Variants in CELF2 observed in about 807,000 individuals in gnomAD.
CELF2 encodes the protein CUGBP Elav-like family member 2.
In CELF2, 8 loss-of-function variants were observed where a neutral mutation model predicts 62.6. That is an observed-to-expected ratio of 0.13 (90% CI 0.07 to 0.23). CELF2 has a LOEUF of 0.23. CELF2 is among the 10% of genes least tolerant of loss of function. CELF2 has a pLI of 1.00. For synonymous variants in CELF2, 258 were observed against 250.0 expected (o/e 1.03, Z -0.30); for missense variants, 333 against 671.0 (o/e 0.50, Z 5.56).
chr10:11,040,776 G>A (rs184094664), intron 1 of CELF2, among the ~76,000 whole-genome samples: 1 of 151,882 alleles, frequency 6.6e-6, no homozygotes, highest in Admixed American at 6.6e-5. Flanking sequence ...TACCTTTCAG[G>A]TGTTTTTCCA....
Position 11,305,945 on chromosome 10 carries a change from A to G in CELF2, c.977-8194A>G, listed in dbSNP as rs74115826. On this transcript the variant is annotated intron_variant, in intron 9 of 12. Transcript: ENST00000633077. The surrounding 1 kb of genome is among the most constrained non-coding windows in gnomAD (Gnocchi z 4.8). ...ACCCTGCCCCACAAACAGTTTTCAC[A>G]AAAGGCCACAGACTTTGTCTGCACA... is the stretch of plus-strand genomic sequence containing the variant. Among the ~76,000 whole-genome samples, 1,250 of 152,284 alleles carry G rather than the reference A, an allele frequency of 8.2e-3. 21 individuals carry two copies. Among genetic ancestry groups the G allele is most frequent in the African/African-American group, 0.028 (1,145 of 41,566 alleles).
At chr10:10,627,273 G>A in the CELF2 span, among the ~76,000 whole-genome samples, 1 of 152,230 alleles carries the variant, frequency 6.6e-6, no homozygotes, top group Non-Finnish European at 1.5e-5. Flanking sequence ...AAGGGGTAAA[G>A]TGTAGAATTT....
the CELF2 span, among the ~76,000 whole-genome samples, chr10:10,690,760 A>C: frequency 1.3e-5 from 2 of 152,228 alleles, no homozygotes; most frequent in East Asian, 3.9e-4. Flanking sequence ...CACGCCTATA[A>C]TACCAGCTAC....
Position 10,931,468 on chromosome 10 carries a change from T to C in CELF2, c.89+11469T>C, listed in dbSNP as rs986512363. 7.2e-5 allele frequency among the ~76,000 whole-genome samples: 11 copies of C among 152,154 alleles called. No individual in the cohort carries two copies. The highest frequency in any genetic ancestry group is 2.4e-4 in the African/African-American group (10 of 41,428). ...TTATCCAGTGAGTAAGTGGAAACTC[T>C]ATTTACCACCACAGTTATAGCATTT... On this transcript the variant is annotated intron_variant, in intron 2 of 13. Transcript: ENST00000636488. The surrounding 1 kb of genome is among the most constrained non-coding windows in gnomAD (Gnocchi z 6.1).
intron 2 of CELF2, among the ~76,000 whole-genome samples, chr10:10,949,592 G>A (rs1256784915): frequency 4.6e-5 from 7 of 151,430 alleles, no homozygotes; most frequent in Non-Finnish European, 8.8e-5. Context: ...AGGAGTTCAA[G>A]ACCAGCCTGG....
chr10:11,088,940 A>C (rs966070168), intron 1 of CELF2, among the ~76,000 whole-genome samples: 10 of 152,212 alleles, frequency 6.6e-5, no homozygotes, highest in African/African-American at 2.4e-4. Flanking sequence ...TGGTGACTGA[A>C]GCACATGCAA....
At chr10:10,790,793 C>T in the CELF2 span, among the ~76,000 whole-genome samples, 3 of 152,054 alleles carry the variant, frequency 2.0e-5, no homozygotes, top group African/African-American at 7.2e-5. Flanking sequence ...TTCAATCATC[C>T]AATTGAATGA....
upstream of CELF2, chr10:11,017,834 C>G (rs1358855317): frequency 7.6e-6 from 4 of 528,234 alleles, no homozygotes; most frequent in Non-Finnish European, 9.7e-6. This position sits in a 1 kb window ranked among gnomAD's most constrained non-coding sequence, Gnocchi z 5.5. Flanking sequence ...CCGGCGGGCC[C>G]GCAGGGGTTA....
At chr10:10,791,039 C>T in the CELF2 span, among the ~76,000 whole-genome samples, 1 of 152,110 alleles carries the variant, frequency 6.6e-6, no homozygotes, top group Admixed American at 6.5e-5. Context: ...ATTTAGTGGG[C>T]TAGTTTTTGT....
the CELF2 span, among the ~76,000 whole-genome samples, chr10:10,655,069 C>T: frequency 6.7e-6 from 1 of 150,032 alleles, no homozygotes; most frequent in African/African-American, 2.5e-5. Context: ...TTCTTATACA[C>T]CAACAACAGA....
chr10:10,722,909 T>C, the CELF2 span, among the ~76,000 whole-genome samples: 1 of 152,180 alleles, frequency 6.6e-6, no homozygotes, highest in Non-Finnish European at 1.5e-5. Context: ...TAAGAGATAA[T>C]AGAGCAAGGC....
At chr10:10,919,810 A>T (rs1322294302) in intron 1 of CELF2, among the ~76,000 whole-genome samples, 4 of 152,242 alleles carry the variant, frequency 2.6e-5, no homozygotes, top group African/African-American at 9.7e-5. Context: ...ATTAATCAGA[A>T]ATGCAATTAA....
rs1043019679 is a variant in CELF2, at chr10:10,964,602, C to T, written c.89+44603C>T. ...TTCAGCAACTTAAAAAATATCATTT[C>T]GAGAGCAGAAGAAAGCCTGGGGCTT... On this transcript the variant is annotated intron_variant, in intron 2 of 13. Transcript: ENST00000636488. Among the ~76,000 whole-genome samples, 8 of 152,094 alleles carry T rather than the reference C, an allele frequency of 5.3e-5. No individual in the cohort carries two copies. In the East Asian group the frequency reaches 9.6e-4, roughly 18 times the overall value.
At chr10:10,482,991 G>A in the CELF2 span, among the ~76,000 whole-genome samples, 11 of 152,048 alleles carry the variant, frequency 7.2e-5, no homozygotes, top group African/African-American at 1.4e-4. Context: ...CAATAAAGGC[G>A]CTGGACCCTG....
rs753364269 is a variant in CELF2, at chr10:11,314,287, C to T, written c.1096+29C>T. 6.2e-7 allele frequency: 1 copy of T among 1,614,082 alleles called. No individual in the cohort carries two copies. The highest frequency in any genetic ancestry group is 2.2e-5 in the East Asian group (1 of 44,880). On this transcript the variant is annotated intron_variant, in intron 10 of 12. Coordinates refer to ENST00000633077, the MANE Select transcript of CELF2 (RefSeq NM_001326342.2). The surrounding 1 kb of genome is among the most constrained non-coding windows in gnomAD (Gnocchi z 5.3). ...CCATCAACAGTGAGTATTTGCTGCTCTGGTGGACAGCCTTCCCCCAAATTC... is the reference window on the plus strand; with the variant it reads ...CCATCAACAGTGAGTATTTGCTGCTTTGGTGGACAGCCTTCCCCCAAATTC...
chr10:10,920,905 T>C (rs2064837756), intron 2 of CELF2, among the ~76,000 whole-genome samples: 2 of 152,154 alleles, frequency 1.3e-5, no homozygotes, highest in African/African-American at 4.8e-5. Flanking sequence ...TGAATGTATC[T>C]AGAATCTCTC....
At chr10:10,721,329 T>G in the CELF2 span, among the ~76,000 whole-genome samples, 1 of 152,030 alleles carries the variant, frequency 6.6e-6, no homozygotes, top group South Asian at 2.1e-4. Context: ...TAATGCATTT[T>G]ACCCCTGTTA....
At chr10:11,051,553 C>T (rs2063925617) in intron 1 of CELF2, among the ~76,000 whole-genome samples, 1 of 152,178 alleles carries the variant, frequency 6.6e-6, no homozygotes, top group African/African-American at 2.4e-5. Flanking sequence ...TATTCATTTA[C>T]AGTATGTTGA....
intron 1 of CELF2, among the ~76,000 whole-genome samples, chr10:10,853,363 A>C (rs568943741): frequency 6.6e-6 from 1 of 152,254 alleles, no homozygotes; most frequent in East Asian, 1.9e-4. Flanking sequence ...TCCTATAAGA[A>C]AAAGAAAGAT....
Sources: gnomAD v4.1 joint callset for allele counts (sites outside exome capture counted in the v4.1 genomes callset) on GRCh38, gnomAD v4.1.1 for gene constraint, Gnocchi (gnomAD v3.1) non-coding constraint, MANE v1.5 for transcripts, NCBI Gene and HGNC (gene_info 2026-07-23, HGNC 2026-07-21) for gene names.